The following MTX2 variants were observed in gnomAD, a reference collection of about 807,000 sequenced individuals.
MTX2 encodes the protein metaxin 2, also known as metaxin-2.
In MTX2, 35 loss-of-function variants were observed where a neutral mutation model predicts 42.3. The observed-to-expected ratio is 0.83, with a 90% CI of 0.63 to 1.10. MTX2 has a LOEUF of 1.10. Ranked by LOEUF, MTX2 falls within the 50% of genes least tolerant of loss-of-function variation. The pLI is 0.00. For synonymous variants in MTX2, 119 were observed against 100.9 expected (o/e 1.18, Z -1.08); for missense variants, 307 against 304.1 (o/e 1.01, Z -0.07).
chr2:176,334,196 A>C (rs1370565575), intron 9 of MTX2, among the ~76,000 whole-genome samples: 3 of 151,820 alleles, frequency 2.0e-5, no homozygotes, highest in African/African-American at 7.2e-5. Flanking sequence ...ATTTGAGCAT[A>C]CATTGATAGT....
chr2:176,318,206 C>T (rs115344435), intron 3 of MTX2, among the ~76,000 whole-genome samples: 5,045 of 151,232 alleles, frequency 0.033, 127 homozygotes, highest in Middle Eastern at 0.045. Context: ...TAAATTTAGT[C>T]CTTCATGTTT....
Position 176,329,208 on chromosome 2 carries a change from C to A in MTX2, c.418-93C>A, listed in dbSNP as rs1684795344. On this transcript the variant is annotated intron_variant, in intron 7 of 9. Coordinates refer to ENST00000249442, the MANE Select transcript of MTX2 (RefSeq NM_006554.5). Reference sequence around the variant, plus strand: ...TTTTTCAGATTGCTCTATTTATGTTCTCTGAAAATATATTTCTTTTAGAAT... The same window carrying A: ...TTTTTCAGATTGCTCTATTTATGTTATCTGAAAATATATTTCTTTTAGAAT... 5 of 1,398,714 alleles carry A rather than the reference C, an allele frequency of 3.6e-6. No homozygotes were observed. The South Asian group carries it at 4.6e-5, about 13-fold the overall frequency. 86.6% of individuals were successfully genotyped at this position (1,398,714 alleles called of 1,614,324 possible). A position where few individuals can be genotyped will look rare whatever the true frequency, so the allele number is the denominator to read the frequency against.
intron 3 of MTX2, among the ~76,000 whole-genome samples, chr2:176,300,865 G>A (rs541457255): frequency 6.6e-6 from 1 of 152,050 alleles, no homozygotes; most frequent in African/African-American, 2.4e-5. Context: ...GCACTTAGAA[G>A]AGTACCTGGC....
rs1328908050 is a variant in MTX2 at position 176,308,870 on chromosome 2, GT to G, written c.135+10981del. Among the ~76,000 whole-genome samples the G allele has an allele frequency of 2.6e-5, 4 of 152,008 alleles. No homozygotes were observed. The East Asian group carries it at 5.8e-4, about 22-fold the overall frequency. ...CCTAGATTCATTGATATTTTGAAGG[GT>G]TTTTTGTGTCTGTATCTCTTTCAGA... is the stretch of plus-strand genomic sequence containing the variant. On this transcript the variant is annotated intron_variant, in intron 3 of 9. Coordinates refer to ENST00000249442, the MANE Select transcript of MTX2 (RefSeq NM_006554.5).
chr2:176,299,143 G>A (rs919603028), intron 3 of MTX2, among the ~76,000 whole-genome samples: 4 of 152,098 alleles, frequency 2.6e-5, no homozygotes, highest in Non-Finnish European at 5.9e-5. Context: ...ATATTTAAGT[G>A]TTTTTGCTCG....
At chr2:176,295,705 A>C (rs1683852024) in intron 1 of MTX2, among the ~76,000 whole-genome samples, 2 of 152,184 alleles carry the variant, frequency 1.3e-5, no homozygotes, top group Admixed American at 1.3e-4. Flanking sequence ...ATTCTAAAGC[A>C]TAAGTAAAAG....
chr2:176,287,620 C>T (rs1250629418), intron 1 of MTX2, among the ~76,000 whole-genome samples: 1 of 152,124 alleles, frequency 6.6e-6, no homozygotes, highest in Non-Finnish European at 1.5e-5. Flanking sequence ...ATACAGTAGA[C>T]TCTTATGTCA....
chr2:176,336,522 T>C (rs1247208677), intron 9 of MTX2, among the ~76,000 whole-genome samples: 2 of 152,194 alleles, frequency 1.3e-5, no homozygotes, highest in African/African-American at 4.8e-5. Context: ...ATAAATTGTA[T>C]TTATTAAAAC....
chr2:176,277,820 A>C (rs1262673237), intron 1 of MTX2, among the ~76,000 whole-genome samples: 2 of 152,092 alleles, frequency 1.3e-5, no homozygotes, highest in African/African-American at 4.8e-5. Context: ...ACCGACCGTC[A>C]CGTTTAAGAG....
intron 1 of MTX2, among the ~76,000 whole-genome samples, chr2:176,296,406 C>G (rs370508811): frequency 7.9e-5 from 12 of 152,094 alleles, no homozygotes; most frequent in African/African-American, 2.4e-4. Context: ...CTTACAATGT[C>G]TGCTTGAAAT....
chr2:176,330,559 C>A, intron 8 of MTX2, 25 bp from the exon 9 acceptor site: 1 of 1,497,988 alleles, frequency 6.7e-7, no homozygotes, highest in South Asian at 1.4e-5. Flanking sequence ...AAATACTTTT[C>A]CTTGGGGTTC....
Position 176,323,454 on chromosome 2 carries a change from G to A in MTX2, c.198G>A (p.Met66Ile), listed in dbSNP as rs774010745. 2 of 1,610,102 alleles carry A rather than the reference G, an allele frequency of 1.2e-6. No homozygotes were observed. The highest frequency in any genetic ancestry group is 3.3e-5 in the Admixed American group (2 of 59,896). ...TTTGTAGGGCAAATGCAGAATATAT[G>A]TCTCCATCTGGTAAGTGTGTTTTTT... ...KVVCRANAEY[M>I]SPSGKVPFIH... Residue 66 changes from methionine to isoleucine, a missense_variant, in exon 4 of 10, where the codon ATG (methionine) becomes ATA (isoleucine). Met to Ile is a conservative substitution (Grantham distance 10). Coordinates refer to ENST00000249442, the MANE Select transcript of MTX2 (RefSeq NM_006554.5).
intron 3 of MTX2, among the ~76,000 whole-genome samples, chr2:176,308,627 T>TAA (rs1684216368): frequency 6.6e-6 from 1 of 152,218 alleles, no homozygotes; most frequent in African/African-American, 2.4e-5. Context: ...TGGGAGGGTG[T>TAA]ATGTGTCCAG....
Position 176,329,294 on chromosome 2 carries a change from A to G in MTX2, c.418-7A>G, listed in dbSNP as rs2105445074. On this transcript the variant is annotated splice_region_variant and splice_polypyrimidine_tract_variant and intron_variant, in intron 7 of 9. Coordinates refer to ENST00000249442, the MANE Select transcript of MTX2 (RefSeq NM_006554.5). ...ATCACCTTTTTTACAAAATCTTTTT[A>G]CTTTAGATCACTCATGCTAGGTATG... The G allele has an allele frequency of 6.3e-7, 1 of 1,589,592 alleles. No individual in the cohort carries two copies. Among genetic ancestry groups the G allele is most frequent in the Non-Finnish European group, 8.6e-7 (1 of 1,169,506 alleles).
At chr2:176,328,663 T>C (rs1684778518) in intron 6 of MTX2, among the ~76,000 whole-genome samples, 1 of 151,280 alleles carries the variant, frequency 6.6e-6, no homozygotes, top group Non-Finnish European at 1.5e-5. Flanking sequence ...TAAAACACTT[T>C]AATGGTATTT....
chr2:176,290,625 T>A (rs1693305373), intron 1 of MTX2, among the ~76,000 whole-genome samples: 1 of 152,102 alleles, frequency 6.6e-6, no homozygotes, highest in Non-Finnish European at 1.5e-5. Flanking sequence ...TTCTCATGAT[T>A]CATAGATTTA....
At chr2:176,331,525 ATAT>A (rs1160610924) in intron 9 of MTX2, among the ~76,000 whole-genome samples, 1 of 151,218 alleles carries the variant, frequency 6.6e-6, no homozygotes, top group African/African-American at 2.4e-5. Flanking sequence ...GGTAAAGATA[ATAT>A]TTGTAGTAAA....
chr2:176,282,706 T>G lies in MTX2; in HGVS notation c.40+13037T>G, dbSNP rs559462172. Among the ~76,000 whole-genome samples the G allele has an allele frequency of 3.1e-4, 47 of 150,482 alleles. No individual in the cohort carries two copies. In the East Asian group the frequency reaches 4.0e-3, roughly 13 times the overall value. ...GTACTTAGTTTATCTACTTTTTTTT[T>G]TTTGTTTTTTTTTTTGAGATGGAGT... On this transcript the variant is annotated intron_variant, in intron 1 of 9. Transcript: ENST00000249442.
intron 1 of MTX2, among the ~76,000 whole-genome samples, chr2:176,283,050 C>T (rs928159609): frequency 5.3e-5 from 8 of 152,112 alleles, no homozygotes; most frequent in Non-Finnish European, 8.8e-5. Context: ...TAATATTTCC[C>T]TCTTTTACAG....
Sources: gnomAD v4.1 joint callset for allele counts (sites outside exome capture counted in the v4.1 genomes callset) on GRCh38, gnomAD v4.1.1 for gene constraint, MANE v1.5 for transcripts, NCBI Gene and HGNC (gene_info 2026-07-23, HGNC 2026-07-21) for gene names.